The following PROSER2 variants were observed in gnomAD, a reference collection of about 807,000 sequenced individuals.
The protein encoded by PROSER2 is proline and serine rich 2.
Under a neutral mutation model 14.6 loss-of-function variants are expected in PROSER2, and 18 were observed. The observed-to-expected ratio is 1.23, with a 90% CI of 0.85 to 1.83. PROSER2 has a LOEUF of 1.83. Among genes scored for constraint, PROSER2 ranks in the 40% most tolerant of loss-of-function variants. PROSER2 has a pLI of 0.00. For synonymous variants in PROSER2, 367 were observed against 286.4 expected (o/e 1.28, Z -2.84); for missense variants, 823 against 629.8 (o/e 1.31, Z -3.28).
At chr10:11,858,221 C>G (rs779282238) in intron 2 of PROSER2, among the ~76,000 whole-genome samples, 2 of 152,132 alleles carry the variant, frequency 1.3e-5, no homozygotes, top group Admixed American at 1.3e-4. Flanking sequence ...TGAGCCACCA[C>G]GCCTGGCCAA....
At chr10:11,868,245 C>T (rs1289466438) in intron 3 of PROSER2, among the ~76,000 whole-genome samples, 1 of 152,234 alleles carries the variant, frequency 6.6e-6, no homozygotes, top group Non-Finnish European at 1.5e-5. Flanking sequence ...CTACACCTGT[C>T]CATCTGTTCT....
Position 11,865,304 on chromosome 10 carries a change from C to A in PROSER2, c.139-1227C>A, listed in dbSNP as rs1402201405. 3.3e-5 allele frequency among the ~76,000 whole-genome samples: 5 copies of A among 151,388 alleles called. No individual in the cohort carries two copies. Among genetic ancestry groups the A allele is most frequent in the Admixed American group, 3.3e-4 (5 of 15,192 alleles). ...TATTTTTTATTTATTTCTAAGTCTT[C>A]TTTTGTCCTGTAAAGAAAAAAAATC... On this transcript the variant is annotated intron_variant, in intron 2 of 3. Transcript: ENST00000277570. The surrounding 1 kb of genome is among the most constrained non-coding windows in gnomAD (Gnocchi z 4.2).
At position 11,869,745 on chromosome 10, in the gene PROSER2, C is replaced by T. The variant is rs200231664; in HGVS notation, c.647C>T (p.Pro216Leu). 12 of 1,584,736 alleles carry T rather than the reference C, an allele frequency of 7.6e-6. No individual in the cohort carries two copies. The African/African-American group carries it at 9.4e-5, about 12-fold the overall frequency. The change falls in exon 4 of 4, where the codon CCG (proline) becomes CTG (leucine). Residue 216 changes from proline (P) to leucine (L), a missense_variant. Transcript: ENST00000277570. The surrounding 1 kb of genome is among the most constrained non-coding windows in gnomAD (Gnocchi z 4.4). ...AACGAAGCCCTCTCGCCCACCTCCC[C>T]GTTCAGGGAGGGCCGGCCCGGGGAG... ...AGNEALSPTS[P>L]FREGRPGEWR...
rs1010935942 is a variant in PROSER2 at position 11,870,916 on chromosome 10, G to A, written c.*510G>A. 6.3e-6 allele frequency: 1 copy of A among 158,742 alleles called. No individual in the cohort carries two copies. The highest frequency in any genetic ancestry group is 1.5e-5 in the Non-Finnish European group (1 of 68,106). 9.8% of individuals were successfully genotyped at this position (158,742 alleles called of 1,614,324 possible). On this transcript the variant is annotated 3_prime_UTR_variant, in exon 4 of 4. Transcript: ENST00000277570. ...ATACTTGCTTTTGTTTTTGAAGGGT[G>A]AGGCATCATGGTACTTTGCTTTTGT...
chr10:11,854,165 G>A (rs1160058301), intron 2 of PROSER2, among the ~76,000 whole-genome samples: 1 of 152,212 alleles, frequency 6.6e-6, no homozygotes, highest in African/African-American at 2.4e-5. Flanking sequence ...CCTCAGGCCT[G>A]TTAACTGTTT....
In PROSER2 at chr10:11,869,742, C is replaced by A; in HGVS notation, c.644C>A (p.Ser215Tyr). Residue 215 changes from serine to tyrosine, a missense_variant, in exon 4 of 4, where the codon TCC (serine) becomes TAC (tyrosine). By Grantham distance (144) the Ser-to-Tyr change is moderately radical (BLOSUM62 -2). Transcript: ENST00000277570. This position sits in a 1 kb window ranked among gnomAD's most constrained non-coding sequence, Gnocchi z 4.4. ...MAGNEALSPT[S>Y]PFREGRPGEW... Reference sequence around the variant, plus strand: ...GGGAACGAAGCCCTCTCGCCCACCTCCCCGTTCAGGGAGGGCCGGCCCGGG... The same window carrying A: ...GGGAACGAAGCCCTCTCGCCCACCTACCCGTTCAGGGAGGGCCGGCCCGGG... 1.9e-6 allele frequency: 3 copies of A among 1,586,530 alleles called. No homozygotes were observed. The highest frequency in any genetic ancestry group is 2.3e-5 in the East Asian group (1 of 43,282).
At chr10:11,841,965 G>A (rs1003195581) in intron 1 of PROSER2, among the ~76,000 whole-genome samples, 1 of 152,142 alleles carries the variant, frequency 6.6e-6, no homozygotes, top group African/African-American at 2.4e-5. Context: ...CGAAAGGCCA[G>A]GCTTCCTAGC....
At position 11,836,123 on chromosome 10, in the gene PROSER2, C is replaced by T. The variant is rs532482886; in HGVS notation, c.-82+12653C>T. Reference sequence around the variant, plus strand: ...CTTGGCTCACTGCAACCTCGGCCTTCTGGGTTCAAGCGATTCTCCTGCCTC... The same window carrying T: ...CTTGGCTCACTGCAACCTCGGCCTTTTGGGTTCAAGCGATTCTCCTGCCTC... On this transcript the variant is annotated intron_variant, in intron 1 of 3. Coordinates refer to ENST00000277570, the MANE Select transcript of PROSER2 (RefSeq NM_153256.4). The surrounding 1 kb of genome is among the most constrained non-coding windows in gnomAD (Gnocchi z 4.6). Among the ~76,000 whole-genome samples the T allele has an allele frequency of 6.6e-6, 1 of 152,268 alleles. No homozygotes were observed. Among genetic ancestry groups the T allele is most frequent in the East Asian group, 1.9e-4 (1 of 5,184 alleles).
chr10:11,860,412 C>G (rs1327650316), intron 2 of PROSER2, among the ~76,000 whole-genome samples: 1 of 151,774 alleles, frequency 6.6e-6, no homozygotes, highest in African/African-American at 2.4e-5. Context: ...GTCAGGAGTT[C>G]GAGACCAGGC....
At chr10:11,851,230 AG>A (rs1834011510) in intron 1 of PROSER2, 1 of 152,252 alleles carries the variant, frequency 6.6e-6, no homozygotes, top group South Asian at 2.1e-4. Flanking sequence ...AAAAGTAGCC[AG>A]GGTTGGGGGG....
chr10:11,829,383 G>A (rs1469100694), intron 1 of PROSER2, among the ~76,000 whole-genome samples: 1 of 151,350 alleles, frequency 6.6e-6, no homozygotes, highest in Non-Finnish European at 1.5e-5. Flanking sequence ...CCAGGAGTTT[G>A]AGACCAGTCT....
chr10:11,853,507 G>A (rs1834068532), intron 2 of PROSER2, among the ~76,000 whole-genome samples: 1 of 152,162 alleles, frequency 6.6e-6, no homozygotes, highest in Non-Finnish European at 1.5e-5. Flanking sequence ...AGAATCACTT[G>A]AACCAGGAGG....
chr10:11,834,308 A>G (rs1430502633), intron 1 of PROSER2, among the ~76,000 whole-genome samples: 1 of 151,482 alleles, frequency 6.6e-6, no homozygotes, highest in Non-Finnish European at 1.5e-5. Flanking sequence ...TAGCACTTTC[A>G]TAGGAGACCT....
At chr10:11,846,080 G>A (rs1444996506) in intron 1 of PROSER2, among the ~76,000 whole-genome samples, 3 of 151,972 alleles carry the variant, frequency 2.0e-5, no homozygotes, top group Non-Finnish European at 2.9e-5. Context: ...TCTACCTCCC[G>A]GTTTCAAGCG....
chr10:11,869,396 C>G lies in PROSER2; in HGVS notation c.392-94C>G, dbSNP rs1588502431. On this transcript the variant is annotated intron_variant, in intron 3 of 3. Transcript: ENST00000277570. This position sits in a 1 kb window ranked among gnomAD's most constrained non-coding sequence, Gnocchi z 4.4. ...GCACCGGCGAAGTTGGTGTCAGGTC[C>G]AGGTTGAGGCTCTTTTCAGTTCAGC... 1 of 928,140 alleles carries G rather than the reference C, an allele frequency of 1.1e-6. No individual in the cohort carries two copies. Among genetic ancestry groups the G allele is most frequent in the Non-Finnish European group, 1.7e-6 (1 of 580,764 alleles). 57.5% of individuals were successfully genotyped at this position (928,140 alleles called of 1,614,324 possible). A position where few individuals can be genotyped will look rare whatever the true frequency, so the allele number is the denominator to read the frequency against.
chr10:11,865,712 T>G lies in PROSER2; in HGVS notation c.139-819T>G, dbSNP rs1455220559. ...ACTTGGCTGCACTGACAGCCCACAC[T>G]GTTAACACGGCACTCCACCGTCAGC... On this transcript the variant is annotated intron_variant, in intron 2 of 3. Coordinates refer to ENST00000277570, the MANE Select transcript of PROSER2 (RefSeq NM_153256.4). This position sits in a 1 kb window ranked among gnomAD's most constrained non-coding sequence, Gnocchi z 4.2. Among the ~76,000 whole-genome samples the G allele has an allele frequency of 6.6e-6, 1 of 152,222 alleles. No homozygotes were observed. Among genetic ancestry groups the G allele is most frequent in the Non-Finnish European group, 1.5e-5 (1 of 68,044 alleles).
chr10:11,849,068 T>C (rs1472132876), intron 1 of PROSER2, among the ~76,000 whole-genome samples: 1 of 152,066 alleles, frequency 6.6e-6, no homozygotes, highest in Admixed American at 6.5e-5. Flanking sequence ...ATGCCTGTAG[T>C]CCCAGCTACT....
At position 11,865,662 on chromosome 10, in the gene PROSER2, A is replaced by G. The variant is rs1834329877; in HGVS notation, c.139-869A>G. Among the ~76,000 whole-genome samples, 1 of 152,136 alleles carries G rather than the reference A, an allele frequency of 6.6e-6. No individual in the cohort carries two copies. The highest frequency in any genetic ancestry group is 1.5e-5 in the Non-Finnish European group (1 of 68,014). ...CTCGGGTTCCCCAGAGATGACATGC[A>G]CAGTCCTCCATCTGGAGGGCGGTCA... On this transcript the variant is annotated intron_variant, in intron 2 of 3. Coordinates refer to ENST00000277570, the MANE Select transcript of PROSER2 (RefSeq NM_153256.4). The surrounding 1 kb of genome is among the most constrained non-coding windows in gnomAD (Gnocchi z 4.2).
At chr10:11,848,379 G>A (rs532215647) in intron 1 of PROSER2, among the ~76,000 whole-genome samples, 30 of 152,290 alleles carry the variant, frequency 2.0e-4, no homozygotes, top group African/African-American at 6.5e-4. Context: ...ATGTTGGCCA[G>A]GCTGGTCTCG....
Sources: gnomAD v4.1 joint callset for allele counts (sites outside exome capture counted in the v4.1 genomes callset) on GRCh38, gnomAD v4.1.1 for gene constraint, Gnocchi (gnomAD v3.1) non-coding constraint, MANE v1.5 for transcripts, NCBI Gene and HGNC (gene_info 2026-07-23, HGNC 2026-07-21) for gene names.